The following CBLN2 variants were observed in gnomAD, a reference collection of about 807,000 sequenced individuals.
CBLN2 encodes the protein cerebellin 2 precursor, also known as cerebellin-2.
A neutral mutation model predicts 15.0 loss-of-function variants in CBLN2; 7 were observed. That is an observed-to-expected ratio of 0.47 (90% CI 0.27 to 0.88). The LOEUF is 0.88. Ranked by LOEUF, CBLN2 falls within the 40% of genes least tolerant of loss-of-function variation. The pLI is 0.14. For missense variants in CBLN2, 242 were observed against 304.5 expected (o/e 0.79, Z 1.53); for synonymous variants, 149 against 135.2 (o/e 1.10, Z -0.71).
chr18:72,590,298 T>A (rs527355219), intron 1 of CBLN2, among the ~76,000 whole-genome samples: 97 of 150,872 alleles, frequency 6.4e-4, no homozygotes, highest in Non-Finnish European at 1.3e-3. Flanking sequence ...AAAAAAAAAA[T>A]TAGCCAGGCA....
intron 1 of CBLN2, among the ~76,000 whole-genome samples, chr18:72,598,962 C>T (rs934193783): frequency 2.6e-5 from 4 of 152,210 alleles, no homozygotes; most frequent in African/African-American, 9.6e-5. Flanking sequence ...TCAAGGCTGC[C>T]TTTCCTACCG....
At chr18:72,631,224 A>G (rs1599031605) in intron 1 of CBLN2, 3 of 152,222 alleles carry the variant, frequency 2.0e-5, no homozygotes, top group African/African-American at 7.2e-5. Context: ...TGGCCTTCTT[A>G]TGGGAATATA....
chr18:72,543,182 A>C lies in CBLN2; in HGVS notation c.-167+304T>G, dbSNP rs1486697002. On this transcript the variant is annotated intron_variant, in intron 2 of 4. Transcript: ENST00000269503. This position sits in a 1 kb window ranked among gnomAD's most constrained non-coding sequence, Gnocchi z 6.8. The stretch of plus-strand genomic sequence containing the variant: ...TCTGCGAACTTACGCGCCCGTCTGC[A>C]CTTTTGCCCCGTCCCCGCTCCTCCC... The C allele has an allele frequency of 1.1e-5, 3 of 278,916 alleles. No individual in the cohort carries two copies. Among genetic ancestry groups the C allele is most frequent in the Admixed American group, 1.1e-4 (2 of 18,790 alleles). 17.3% of individuals were successfully genotyped at this position (278,916 alleles called of 1,614,324 possible).
At chr18:72,551,582 G>T (rs1371781016) in intron 1 of CBLN2, among the ~76,000 whole-genome samples, 1 of 152,082 alleles carries the variant, frequency 6.6e-6, no homozygotes, top group African/African-American at 2.4e-5. Context: ...CCCCATCACT[G>T]AAGTCTATAT....
At chr18:72,558,071 G>A (rs1452884713) in intron 1 of CBLN2, among the ~76,000 whole-genome samples, 2 of 152,136 alleles carry the variant, frequency 1.3e-5, no homozygotes, top group African/African-American at 4.8e-5. Context: ...TCATACAGAG[G>A]TGAACACCCA....
rs35778072 is a variant in CBLN2, at chr18:72,541,285, CTT to C, written c.357+517_357+518del. On this transcript the variant is annotated intron_variant, in intron 3 of 4. Coordinates refer to ENST00000269503, the MANE Select transcript of CBLN2 (RefSeq NM_182511.4). ...ATATATCCATCCCTGTTCTTCCTCACTTTTTTTTTTTTTAAGATAAACATCCC... is the reference window on the plus strand; with the variant it reads ...ATATATCCATCCCTGTTCTTCCTCACTTTTTTTTTTTAAGATAAACATCCC... Among the ~76,000 whole-genome samples the C allele has an allele frequency of 6.4e-4, 93 of 144,848 alleles. 1 individual carries two copies. In the East Asian group the frequency reaches 0.012, roughly 19 times the overall value.
intron 1 of CBLN2, among the ~76,000 whole-genome samples, chr18:72,621,675 G>A (rs1267330742): frequency 6.6e-6 from 1 of 152,088 alleles, no homozygotes; most frequent in Non-Finnish European, 1.5e-5. Flanking sequence ...GATATTGTTT[G>A]TTTTACCCTG....
At chr18:72,557,186 A>C (rs2069231924) in intron 1 of CBLN2, among the ~76,000 whole-genome samples, 1 of 152,042 alleles carries the variant, frequency 6.6e-6, no homozygotes, top group Non-Finnish European at 1.5e-5. Flanking sequence ...TTGAATTTTA[A>C]ATCTTTGATT....
chr18:72,607,380 CAT>C (rs1430728903), intron 1 of CBLN2, among the ~76,000 whole-genome samples: 29 of 152,190 alleles, frequency 1.9e-4, no homozygotes, highest in Non-Finnish European at 5.9e-5. Context: ...TGGAAATGCA[CAT>C]GTGTTCATTT....
chr18:72,566,316 G>A (rs1341132098), intron 1 of CBLN2, among the ~76,000 whole-genome samples: 1 of 152,184 alleles, frequency 6.6e-6, no homozygotes, highest in Admixed American at 6.5e-5. Context: ...CCACTACTAG[G>A]TATATCATCA....
intron 1 of CBLN2, among the ~76,000 whole-genome samples, chr18:72,559,007 A>G (rs2069243716): frequency 6.6e-6 from 1 of 152,222 alleles, no homozygotes. Flanking sequence ...GTAAGCTGTG[A>G]TAGTACCATT....
chr18:72,634,140 T>C (rs1309833708), intron 1 of CBLN2, among the ~76,000 whole-genome samples: 2 of 151,960 alleles, frequency 1.3e-5, no homozygotes, highest in African/African-American at 4.8e-5. Flanking sequence ...ACAATAAAGG[T>C]TTAGACATAA....
At chr18:72,558,807 C>A (rs978051170) in intron 1 of CBLN2, among the ~76,000 whole-genome samples, 1 of 152,124 alleles carries the variant, frequency 6.6e-6, no homozygotes, top group African/African-American at 2.4e-5. Context: ...GTAATCCCAG[C>A]ACTTTGGAAG....
At position 72,542,144 on chromosome 18, in the gene CBLN2, C is replaced by T. The variant is rs1329272546; in HGVS notation, c.17G>A (p.Arg6Gln). MQAPG[R>Q]GPLGLRLMMP... is the part of the protein sequence containing the mutation. ...CATCAGCCGCAGCCCGAGTGGCCCC[C>T]GGCCGGGCGCCTGCATCGGGACTGG... is the stretch of plus-strand genomic sequence containing the variant. Residue 6 changes from arginine (R) to glutamine (Q), a missense_variant, in exon 3 of 5, where the codon CGG (arginine) becomes CAG (glutamine). Arg to Gln is a conservative substitution (Grantham distance 43). This residue lies in a region of CBLN2 where 96 missense variants were observed against 83.8 expected (regional missense o/e 1.15). Coordinates refer to ENST00000269503, the MANE Select transcript of CBLN2 (RefSeq NM_182511.4). 2.3e-6 allele frequency: 3 copies of T among 1,315,692 alleles called. No homozygotes were observed. The highest frequency in any genetic ancestry group is 6.3e-5 in the East Asian group (2 of 31,566). The allele number at this position is 1,315,692 out of a possible 1,614,324, so 81.5% of individuals were successfully genotyped here.
At chr18:72,621,398 T>A (rs762001751) in intron 1 of CBLN2, among the ~76,000 whole-genome samples, 3 of 152,218 alleles carry the variant, frequency 2.0e-5, no homozygotes, top group Non-Finnish European at 4.4e-5. Flanking sequence ...TGTATCAAGA[T>A]TAGTATATGT....
At position 72,542,016 on chromosome 18, in the gene CBLN2, C is replaced by G. The variant is rs1194617374; in HGVS notation, c.145G>C (p.Val49Leu). Residue 49 changes from valine to leucine, a missense_variant, in exon 3 of 5, where the codon GTG becomes CTG. Transcript: ENST00000269503. ...LLLLLPACCP[V>L]RAQNDTEPIV... is the part of the protein sequence containing the mutation. ...GGCTCCGTGTCGTTCTGCGCCCGCA[C>G]GGGGCAGCAGGCGGGCAGTAGCAGC... 6.3e-7 allele frequency: 1 copy of G among 1,598,948 alleles called. No individual in the cohort carries two copies. The highest frequency in any genetic ancestry group is 8.5e-7 in the Non-Finnish European group (1 of 1,178,304).
intron 1 of CBLN2, chr18:72,618,724 G>T (rs1599025975): frequency 2.8e-6 from 2 of 719,842 alleles, no homozygotes; most frequent in Non-Finnish European, 2.5e-6. Context: ...CATAATCTTT[G>T]ATGACCATGA....
At chr18:72,576,225 T>C (rs550018983) in intron 1 of CBLN2, among the ~76,000 whole-genome samples, 1 of 152,330 alleles carries the variant, frequency 6.6e-6, no homozygotes, top group South Asian at 2.1e-4. Flanking sequence ...TGCTTCCTAT[T>C]CTGTTTAGAA....
chr18:72,545,717 A>C (rs2069153129), upstream of CBLN2, among the ~76,000 whole-genome samples: 1 of 152,234 alleles, frequency 6.6e-6, no homozygotes. Context: ...AGATATTTGA[A>C]AGACATGTGA....
Sources: allele counts gnomAD v4.1 joint callset (sites outside exome capture counted in the v4.1 genomes callset), GRCh38; gene constraint gnomAD v4.1.1; regional missense constraint gnomAD v4.1.1; non-coding constraint Gnocchi (gnomAD v3.1); transcripts MANE v1.5; gene names NCBI Gene and HGNC (gene_info 2026-07-23, HGNC 2026-07-21).